PMP22: variants seen among roughly 807,000 people sequenced by gnomAD.
PMP22 encodes Charcot-Marie-Tooth neuropathy 1A (greatly reduced nerve conduction velocity, hereditary motor sensory neuropathy Ia).
PMP22 carries 2 observed loss-of-function variants against 18.9 expected under a neutral mutation model. That is an observed-to-expected ratio of 0.11 (90% CI 0.04 to 0.33). The LOEUF (loss-of-function observed/expected upper bound fraction) is 0.33. Among genes scored for constraint, PMP22 ranks in the 10% least tolerant of loss-of-function variants. PMP22 has a pLI of 1.00. For synonymous variants in PMP22, 95 were observed against 89.2 expected, an observed-to-expected ratio of 1.07 and a Z score of -0.37; for missense variants, 169 against 202.2, an observed-to-expected ratio of 0.84 and a Z score of 1.00.
chr17:15,245,978 G>A (rs1453343816), intron 3 of PMP22, among the ~76,000 whole-genome samples: 3 of 148,600 alleles, frequency 2.0e-5, no homozygotes, highest in Non-Finnish European at 3.0e-5. Flanking sequence ...GCGCCACTGC[G>A]CCACTGCACT....
At chr17:15,248,720 T>G (rs546867744) in intron 3 of PMP22, among the ~76,000 whole-genome samples, 1 of 151,950 alleles carries the variant, frequency 6.6e-6, no homozygotes, top group Admixed American at 6.6e-5. Flanking sequence ...AGGAGGGGAG[T>G]GCATTGTACG....
At position 15,258,680 on chromosome 17, in the gene PMP22, C is replaced by T; in HGVS notation, c.178+414G>A. The T allele has an allele frequency of 3.3e-6, 1 of 304,428 alleles. No homozygotes were observed. The highest frequency in any genetic ancestry group is 6.5e-6 in the Non-Finnish European group (1 of 154,600). The allele number at this position is 304,428 out of a possible 1,614,324, so 18.9% of individuals were successfully genotyped here. ...GTGCAGTGAGCTAGCCCCACTGTCA[C>T]TGCAGCAGAAAGGGGCAGGACATTT... On this transcript the variant is annotated intron_variant, in intron 3 of 4. Coordinates refer to ENST00000312280, the MANE Select transcript of PMP22 (RefSeq NM_000304.4). The surrounding 1 kb of genome is among the most constrained non-coding windows in gnomAD (Gnocchi z 4.1).
chr17:15,254,627 G>C (rs1372643417), intron 3 of PMP22, among the ~76,000 whole-genome samples: 1 of 152,126 alleles, frequency 6.6e-6, no homozygotes, highest in African/African-American at 2.4e-5. Flanking sequence ...TGGATAAACA[G>C]GTCTGGGATT....
chr17:15,245,227 A>T (rs972128568), intron 3 of PMP22, among the ~76,000 whole-genome samples: 1 of 152,260 alleles, frequency 6.6e-6, no homozygotes, highest in Non-Finnish European at 1.5e-5. Flanking sequence ...TTCTAAGCTC[A>T]GATGATGCTG....
chr17:15,253,705 G>T (rs150316331), intron 3 of PMP22, among the ~76,000 whole-genome samples: 1 of 151,738 alleles, frequency 6.6e-6, no homozygotes, highest in Admixed American at 6.6e-5. Flanking sequence ...CCTCAACTAC[G>T]CCAAGCTCCT....
intron 4 of PMP22, among the ~76,000 whole-genome samples, chr17:15,237,258 G>A (rs370752792): frequency 6.6e-6 from 1 of 152,204 alleles, no homozygotes; most frequent in Non-Finnish European, 1.5e-5. Flanking sequence ...GCAGTTACAT[G>A]AGTGACTTAA....
intron 1 of PMP22, among the ~76,000 whole-genome samples, chr17:15,263,623 CTG>C (rs1305239110): frequency 6.6e-6 from 1 of 151,896 alleles, no homozygotes; most frequent in East Asian, 1.9e-4. Context: ...CTCTAGTGTA[CTG>C]TGTCATAGAA....
chr17:15,256,163 A>T (rs976902554), intron 3 of PMP22, among the ~76,000 whole-genome samples: 1 of 149,398 alleles, frequency 6.7e-6, no homozygotes, highest in African/African-American at 2.6e-5. Flanking sequence ...ACTATTTCTA[A>T]TATTAAGATG....
chr17:15,251,582 G>A (rs1003138618), intron 3 of PMP22: 1 of 153,894 alleles, frequency 6.5e-6, no homozygotes, highest in Non-Finnish European at 1.5e-5. Flanking sequence ...AGGGGTCTGT[G>A]GCTCGATGGG....
At chr17:15,254,126 G>A (rs1908604321) in intron 3 of PMP22, among the ~76,000 whole-genome samples, 1 of 152,190 alleles carries the variant, frequency 6.6e-6, no homozygotes, top group South Asian at 2.1e-4. Flanking sequence ...AAGCAGGAGT[G>A]GATCATTCAG....
At chr17:15,242,479 G>T (rs574698072) in intron 3 of PMP22, among the ~76,000 whole-genome samples, 10 of 152,190 alleles carry the variant, frequency 6.6e-5, no homozygotes, top group Middle Eastern at 6.8e-3. Context: ...GAAAGATTTG[G>T]TTTATTTGAT....
rs1223192374 is a variant in PMP22, at chr17:15,265,318, C to G, written c.-199G>C. ...CCCGAGATGTTCCCTGGTGGTGCTCCCTGTAACTGAAGCCAGACCAGGCGT... is the reference window on the plus strand; with the variant it reads ...CCCGAGATGTTCCCTGGTGGTGCTCGCTGTAACTGAAGCCAGACCAGGCGT... On this transcript the variant is annotated 5_prime_UTR_variant, in exon 1 of 5. Coordinates refer to ENST00000312280, the MANE Select transcript of PMP22 (RefSeq NM_000304.4). 2.0e-5 allele frequency: 3 copies of G among 152,072 alleles called. No individual in the cohort carries two copies. The highest frequency in any genetic ancestry group is 4.4e-5 in the Non-Finnish European group (3 of 68,038). 9.4% of individuals were successfully genotyped at this position (152,072 alleles called of 1,614,324 possible).
intron 3 of PMP22, among the ~76,000 whole-genome samples, chr17:15,254,156 G>A (rs183925530): frequency 7.2e-5 from 11 of 152,312 alleles, no homozygotes; most frequent in African/African-American, 2.6e-4. Context: ...GATGGGCCTT[G>A]TTAAAGATTT....
intron 4 of PMP22, among the ~76,000 whole-genome samples, chr17:15,236,914 G>A (rs1003382479): frequency 1.8e-4 from 27 of 152,148 alleles, no homozygotes; most frequent in African/African-American, 6.3e-4. Context: ...ATTAACAACG[G>A]AGGACAGGAC....
At chr17:15,249,903 T>C (rs910062561) in intron 3 of PMP22, among the ~76,000 whole-genome samples, 1 of 152,122 alleles carries the variant, frequency 6.6e-6, no homozygotes, top group Non-Finnish European at 1.5e-5. Flanking sequence ...AGAGGGGCAG[T>C]GTTGGGTTTA....
chr17:15,246,798 G>A (rs893994319), intron 3 of PMP22, among the ~76,000 whole-genome samples: 4 of 152,214 alleles, frequency 2.6e-5, no homozygotes, highest in African/African-American at 4.8e-5. Context: ...CTGGCCGGGC[G>A]TGGTGGCTCA....
intron 3 of PMP22, among the ~76,000 whole-genome samples, chr17:15,243,705 TATC>T (rs201199313): frequency 0.034 from 5,085 of 148,218 alleles, 306 homozygotes; most frequent in African/African-American, 0.12. Flanking sequence ...TTATAGAACA[TATC>T]ATAGAAGTAT....
At chr17:15,233,970 G>T (rs1044816185) in intron 4 of PMP22, among the ~76,000 whole-genome samples, 1 of 152,210 alleles carries the variant, frequency 6.6e-6, no homozygotes, top group African/African-American at 2.4e-5. Context: ...CTTCAGCAGA[G>T]GAGAAACATG....
intron 4 of PMP22, 50 bp from the exon 5 acceptor site, chr17:15,231,130 G>T: frequency 6.3e-7 from 1 of 1,588,790 alleles, no homozygotes; most frequent in Non-Finnish European, 8.6e-7. Context: ...ATGGCAGAGC[G>T]GCCCCCTCTC....
Sources: gnomAD v4.1 joint callset for allele counts (sites outside exome capture counted in the v4.1 genomes callset) on GRCh38, gnomAD v4.1.1 for gene constraint, Gnocchi (gnomAD v3.1) non-coding constraint, MANE v1.5 for transcripts, NCBI Gene and HGNC (gene_info 2026-07-23, HGNC 2026-07-21) for gene names.